CROCC: variants seen among roughly 807,000 people sequenced by gnomAD.
CROCC encodes rootletin.
Under a neutral mutation model 245.2 loss-of-function variants are expected in CROCC, and 180 were observed. That is an observed-to-expected ratio of 0.73 (90% CI 0.65 to 0.83). The LOEUF (loss-of-function observed/expected upper bound fraction) is 0.83. Among genes scored for constraint, CROCC ranks in the 40% least tolerant of loss-of-function variants. The probability of loss-of-function intolerance (pLI) is 0.00; values close to 1 mark genes in which losing one functional copy is unlikely to be tolerated. For synonymous variants in CROCC, 1,205 were observed against 1,241.6 expected (o/e 0.97, Z 0.62); for missense variants, 2,688 against 2,779.4 (o/e 0.97, Z 0.74).
In CROCC at chr1:16,969,870, G is replaced by T. The variant is rs2076485070; in HGVS notation, c.5387G>T (p.Gly1796Val). Residue 1796 changes from glycine to valine, a missense_variant, in exon 33 of 37, where the codon GGC (glycine) becomes GTC (valine). Physicochemically the swap from Gly to Val is moderately radical, Grantham distance 109. Transcript: ENST00000375541. Reference sequence around the variant, plus strand: ...GGCGAGCAGGTGCAGACGTTGCGAGGCGAGGTGGCTGACCTGGAACTGCAG... The same window carrying T: ...GGCGAGCAGGTGCAGACGTTGCGAGTCGAGGTGGCTGACCTGGAACTGCAG... The part of the protein sequence containing the change: ...SLGEQVQTLR[G>V]EVADLELQRV... The T allele has an allele frequency of 6.2e-7, 1 of 1,611,902 alleles. No individual in the cohort carries two copies. Among genetic ancestry groups the T allele is most frequent in the Non-Finnish European group, 8.5e-7 (1 of 1,179,066 alleles).
rs750086002 is a variant in CROCC at position 16,922,756 on chromosome 1, A to G, written c.154A>G (p.Arg52Gly). Residue 52 changes from arginine to glycine, a missense_variant, in exon 2 of 37, where the codon AGG (arginine) becomes GGG (glycine). This residue lies in a region of CROCC where 972 missense variants were observed against 895.3 expected (regional missense o/e 1.09). Transcript: ENST00000375541. ...GATCACCAGCCTGCCTGCCCTTATC[A>G]GGGAGATTGTCACCCGCAACCTCTC... ...AQITSLPALI[R>G]EIVTRNLSQP... The G allele has an allele frequency of 1.6e-5, 26 of 1,613,892 alleles. No homozygotes were observed. In the East Asian group the frequency reaches 5.8e-4, roughly 36 times the overall value.
chr1:16,922,579 G>A, intron 1 of CROCC, 84 bp from the exon 2 acceptor site: 1 of 1,504,094 alleles, frequency 6.6e-7, no homozygotes. Context: ...TGTATCTTGG[G>A]CAGTAGGATT....
intron 8 of CROCC, among the ~76,000 whole-genome samples, chr1:16,933,021 G>A (rs2075712788): frequency 6.6e-6 from 1 of 152,236 alleles, no homozygotes; most frequent in African/African-American, 2.4e-5. Context: ...TTGTTGCCCA[G>A]GCTGGTCTTG....
chr1:16,914,844 AGACGATT>A (rs1320964780), intron 1 of CROCC, among the ~76,000 whole-genome samples: 1 of 152,288 alleles, frequency 6.6e-6, no homozygotes, highest in Non-Finnish European at 1.5e-5. Context: ...TCCCTTGGGA[AGACGATT>A]GACTGGGGAA....
intron 3 of CROCC, among the ~76,000 whole-genome samples, chr1:16,926,848 A>T (rs1330785980): frequency 6.6e-6 from 1 of 152,276 alleles, no homozygotes; most frequent in African/African-American, 2.4e-5. Context: ...GAGACAGTCA[A>T]CTTCTTTCAT....
At chr1:16,923,980 C>T (rs1310803534) in intron 2 of CROCC, among the ~76,000 whole-genome samples, 1 of 152,242 alleles carries the variant, frequency 6.6e-6, no homozygotes, top group Non-Finnish European at 1.5e-5. Context: ...GCCCGCCCCA[C>T]CCATATTACA....
rs2075543204 is a variant in CROCC, at chr1:16,926,734, C to T, written c.351+2255C>T. Among the ~76,000 whole-genome samples, 5 of 152,370 alleles carry T rather than the reference C, an allele frequency of 3.3e-5. No individual in the cohort carries two copies. In the South Asian group the frequency reaches 6.2e-4, roughly 19 times the overall value. On this transcript the variant is annotated intron_variant, in intron 3 of 36. Transcript: ENST00000375541. Reference sequence around the variant, plus strand: ...GGGAATGGAAAGGAGGGAGTGGTCACGCCTCCCTTGGCTCCAGAGGACAGA... The same window carrying T: ...GGGAATGGAAAGGAGGGAGTGGTCATGCCTCCCTTGGCTCCAGAGGACAGA...
chr1:16,951,153 C>T, intron 20 of CROCC, 31 bp downstream of exon 20: 1 of 1,440,412 alleles, frequency 6.9e-7, no homozygotes, highest in Non-Finnish European at 9.2e-7. Context: ...GTGGGCAGGA[C>T]TCTGAGCCAG....
At chr1:16,958,108 C>T (rs2076276066) in intron 25 of CROCC, among the ~76,000 whole-genome samples, 1 of 152,228 alleles carries the variant, frequency 6.6e-6, no homozygotes, top group Non-Finnish European at 1.5e-5. Flanking sequence ...CTCTGACACT[C>T]TGAGGCTCAG....
chr1:16,945,404 A>G (rs2076022214), intron 14 of CROCC, 58 bp from the exon 15 acceptor site: 14 of 1,607,446 alleles, frequency 8.7e-6, no homozygotes, highest in Non-Finnish European at 1.2e-5. Flanking sequence ...CTCGCTGGCT[A>G]CAGGAGGTTC....
At position 16,956,115 on chromosome 1, in the gene CROCC, C is replaced by T. The variant is rs763429600; in HGVS notation, c.3823C>T (p.Arg1275Trp). 8 of 1,549,080 alleles carry T rather than the reference C, an allele frequency of 5.2e-6. No homozygotes were observed. Among genetic ancestry groups the T allele is most frequent in the East Asian group, 4.9e-5 (2 of 40,882 alleles). ...RTGLQEVERS[R>W]LEARRELQEL... ...TGGGCTGCAGGAGGTGGAGCGCTCACGGCTGGAGGCTCGGCGGGAGCTGCA... is the reference window on the plus strand; with the variant it reads ...TGGGCTGCAGGAGGTGGAGCGCTCATGGCTGGAGGCTCGGCGGGAGCTGCA... Residue 1275 changes from arginine to tryptophan, a missense_variant, in exon 25 of 37, where the codon CGG becomes TGG. By Grantham distance (101) the Arg-to-Trp change is moderately radical. Coordinates refer to ENST00000375541, the MANE Select transcript of CROCC (RefSeq NM_014675.5).
intron 17 of CROCC, among the ~76,000 whole-genome samples, chr1:16,947,983 C>T (rs1465889317): frequency 3.3e-5 from 5 of 152,378 alleles, no homozygotes; most frequent in Middle Eastern, 3.4e-3. Flanking sequence ...GGACTACAGG[C>T]GTGCACCACC....
intron 1 of CROCC, among the ~76,000 whole-genome samples, chr1:16,914,134 G>C (rs1281280017): frequency 2.0e-5 from 2 of 98,172 alleles, no homozygotes; most frequent in East Asian, 1.0e-3. Flanking sequence ...GAAGGCGCGC[G>C]AAGGTAGGTG....
chr1:16,934,722 C>G (rs1177186552), intron 8 of CROCC, among the ~76,000 whole-genome samples: 1 of 152,232 alleles, frequency 6.6e-6, no homozygotes, highest in Non-Finnish European at 1.5e-5. Context: ...TAAAATGGCT[C>G]CCTCTCACCT....
In CROCC at chr1:16,971,650, G is replaced by A. The variant is rs1029031843; in HGVS notation, c.5967+3G>A. ...GGGTGCGTGGGCTGGAGGAGCAGGT[G>A]TGCAGGCCCCCTTAGAAGGCTGGGC... On this transcript the variant is annotated splice_donor_region_variant and intron_variant, in intron 36 of 36. Transcript: ENST00000375541. 3.4e-6 allele frequency: 5 copies of A among 1,482,144 alleles called. No individual in the cohort carries two copies. In the African/African-American group the frequency reaches 4.2e-5, roughly 12 times the overall value. The allele number at this position is 1,482,144 out of a possible 1,614,324, so 91.8% of individuals were successfully genotyped here. A position where few individuals can be genotyped will look rare whatever the true frequency, so the allele number is the denominator to read the frequency against.
chr1:16,970,522 C>T (rs570130217), intron 34 of CROCC, 69 bp downstream of exon 34: 1 of 1,485,286 alleles, frequency 6.7e-7, no homozygotes, highest in East Asian at 2.4e-5. Context: ...CACTGCACAT[C>T]CCCAGGGTCT....
intron 8 of CROCC, among the ~76,000 whole-genome samples, chr1:16,931,636 G>A (rs1254659407): frequency 1.3e-5 from 2 of 152,290 alleles, no homozygotes; most frequent in Non-Finnish European, 2.9e-5. Flanking sequence ...TAGCTTCCCT[G>A]TGAGGTAGGA....
At chr1:16,964,527 T>C (rs1347220178) in intron 27 of CROCC, among the ~76,000 whole-genome samples, 3 of 152,172 alleles carry the variant, frequency 2.0e-5, no homozygotes, top group Non-Finnish European at 4.4e-5. Flanking sequence ...TAGCTGGGAT[T>C]ACAGGCGCCC....
At position 16,966,241 on chromosome 1, in the gene CROCC, A is replaced by G. The variant is rs1265780230; in HGVS notation, c.4696+122A>G. 1 of 1,466,938 alleles carries G rather than the reference A, an allele frequency of 6.8e-7. No homozygotes were observed. The highest frequency in any genetic ancestry group is 1.4e-5 in the African/African-American group (1 of 71,430). 90.9% of individuals were successfully genotyped at this position (1,466,938 alleles called of 1,614,324 possible). ...ATGACCTGACTCGGGGCTGTCTCCA[A>G]GAGGACCCTCCTTGGACAGCCTCAC... On this transcript the variant is annotated intron_variant, in intron 29 of 36. Coordinates refer to ENST00000375541, the MANE Select transcript of CROCC (RefSeq NM_014675.5). The surrounding 1 kb of genome is among the most constrained non-coding windows in gnomAD (Gnocchi z 4.8).
Sources: allele counts gnomAD v4.1 joint callset (sites outside exome capture counted in the v4.1 genomes callset), GRCh38; gene constraint gnomAD v4.1.1; regional missense constraint gnomAD v4.1.1; non-coding constraint Gnocchi (gnomAD v3.1); transcripts MANE v1.5; gene names NCBI Gene and HGNC (gene_info 2026-07-23, HGNC 2026-07-21).